SLC26A5: variants seen among roughly 807,000 people sequenced by gnomAD.
SLC26A5 encodes the protein solute carrier family 26 member 5.
A neutral mutation model predicts 81.0 loss-of-function variants in SLC26A5; 51 were observed. The ratio of observed to expected loss-of-function variants is 0.63; its 90% CI spans 0.50 to 0.80. The LOEUF (loss-of-function observed/expected upper bound fraction) is 0.80, where lower values mean the gene tolerates loss of function less well. Among genes scored for constraint, SLC26A5 ranks in the 30% least tolerant of loss-of-function variants. SLC26A5 has a pLI of 0.00. For synonymous variants in SLC26A5, 325 were observed against 332.8 expected (o/e 0.98, Z 0.25); for missense variants, 771 against 905.8 (o/e 0.85, Z 1.91).
chr7:103,421,558 C>T lies in SLC26A5; in HGVS notation c.-44G>A, dbSNP rs761005337. ...CTTAACAGCCGGAGACAAGCATTTC[C>T]TGAGTGTCACTAGGGGAAAAAAGAA... On this transcript the variant is annotated 5_prime_UTR_variant, in exon 3 of 20. Coordinates refer to ENST00000306312, the MANE Select transcript of SLC26A5 (RefSeq NM_198999.3). 2 of 1,602,556 alleles carry T rather than the reference C, an allele frequency of 1.2e-6. No homozygotes were observed. The highest frequency in any genetic ancestry group is 1.7e-6 in the Non-Finnish European group (2 of 1,170,790).
chr7:103,369,427 G>A (rs1046900101), downstream of SLC26A5: 8 of 152,118 alleles, frequency 5.3e-5, no homozygotes, highest in East Asian at 1.9e-4. Context: ...TCATGGCCAC[G>A]TGCTCATATA....
At chr7:103,376,679 A>AT in intron 19 of SLC26A5, 129 bp downstream of exon 19, 2 of 742,234 alleles carry the variant, frequency 2.7e-6, no homozygotes, top group Non-Finnish European at 4.4e-6. Context: ...CTTTAGAGTG[A>AT]TTTTTCAGAA....
intron 2 of SLC26A5, 88 bp downstream of exon 2, chr7:103,442,995 T>A (rs1826991291): frequency 6.6e-6 from 1 of 152,224 alleles, no homozygotes; most frequent in Non-Finnish European, 1.5e-5. Context: ...CCTCTGGAAA[T>A]TTTGAGGAAT....
rs397517962 is a variant in SLC26A5, at chr7:103,390,426, C to T, written c.1311+3G>A. 1.2e-6 allele frequency: 2 copies of T among 1,613,636 alleles called. No individual in the cohort carries two copies. Among genetic ancestry groups the T allele is most frequent in the Non-Finnish European group, 1.7e-6 (2 of 1,179,548 alleles). On this transcript the variant is annotated splice_donor_region_variant and intron_variant, in intron 12 of 19. Coordinates refer to ENST00000306312, the MANE Select transcript of SLC26A5 (RefSeq NM_198999.3). ...ACTTCACCCAAGTCCACATTACACA[C>T]ACCTGGGGCAATGATTCAAAGAGGA... is the stretch of plus-strand genomic sequence containing the variant.
intron 8 of SLC26A5, among the ~76,000 whole-genome samples, chr7:103,404,888 TC>T (rs1460327036): frequency 6.6e-6 from 1 of 152,096 alleles, no homozygotes; most frequent in Admixed American, 6.6e-5. Context: ...TCCTTTTCAT[TC>T]TTTTTTTTTC....
chr7:103,419,888 CTTATCA>C (rs1161412421), intron 4 of SLC26A5, among the ~76,000 whole-genome samples: 2 of 151,822 alleles, frequency 1.3e-5, no homozygotes, highest in Admixed American at 6.6e-5. Context: ...CTCCATTTTG[CTTATCA>C]TTATAATTAA....
intron 14 of SLC26A5, among the ~76,000 whole-genome samples, chr7:103,388,047 T>G (rs1051207196): frequency 6.6e-6 from 1 of 151,954 alleles, no homozygotes; most frequent in Non-Finnish European, 1.5e-5. Context: ...CAAAAAGGTG[T>G]TTTTTTGTTT....
exon 20 of SLC26A5, chr7:103,352,784 A>G: frequency 1.3e-6 from 1 of 776,630 alleles, no homozygotes; most frequent in East Asian, 2.4e-5. Context: ...CAGAAGTGTT[A>G]AGTGACTTGG....
chr7:103,405,265 T>C (rs893388058), intron 8 of SLC26A5, among the ~76,000 whole-genome samples: 7 of 152,214 alleles, frequency 4.6e-5, no homozygotes, highest in Non-Finnish European at 1.0e-4. Context: ...GAAGAGGTGT[T>C]CTGGCTTTTG....
intron 2 of SLC26A5, among the ~76,000 whole-genome samples, chr7:103,428,305 G>C (rs1391242150): frequency 6.6e-6 from 1 of 152,040 alleles, no homozygotes; most frequent in Non-Finnish European, 1.5e-5. Flanking sequence ...TGGTACTTAG[G>C]GCTAAAAAAT....
intron 19 of SLC26A5, among the ~76,000 whole-genome samples, chr7:103,355,161 A>T (rs758485987): frequency 7.2e-5 from 11 of 152,252 alleles, no homozygotes; most frequent in Non-Finnish European, 1.3e-4. Flanking sequence ...AATAAGAAAT[A>T]GTACCATCTT....
chr7:103,362,520 T>A, intron 19 of SLC26A5: 1 of 1,408,638 alleles, frequency 7.1e-7, no homozygotes, highest in Non-Finnish European at 9.3e-7. Flanking sequence ...AGACATGTAG[T>A]TTAGTATCCT....
At chr7:103,430,012 C>G (rs187991412) in intron 2 of SLC26A5, among the ~76,000 whole-genome samples, 10 of 152,054 alleles carry the variant, frequency 6.6e-5, no homozygotes, top group African/African-American at 2.2e-4. Flanking sequence ...CGTTAATATC[C>G]GTAGAGGCAA....
At position 103,397,354 on chromosome 7, in the gene SLC26A5, A is replaced by G. The variant is rs1174451721; in HGVS notation, c.971+578T>C. Among the ~76,000 whole-genome samples the G allele has an allele frequency of 4.6e-5, 7 of 151,922 alleles. No homozygotes were observed. The East Asian group carries it at 1.4e-3, about 30-fold the overall frequency. ...CAGGAAATTGAGACCATCCTGGCTAACATGGTGAAACCCCGTCTCTATTAA... is the reference window on the plus strand; with the variant it reads ...CAGGAAATTGAGACCATCCTGGCTAGCATGGTGAAACCCCGTCTCTATTAA... On this transcript the variant is annotated intron_variant, in intron 9 of 19. Coordinates refer to ENST00000306312, the MANE Select transcript of SLC26A5 (RefSeq NM_198999.3).
chr7:103,372,124 C>A (rs182001418), downstream of SLC26A5, among the ~76,000 whole-genome samples: 1 of 152,114 alleles, frequency 6.6e-6, no homozygotes, highest in Non-Finnish European at 1.5e-5. Context: ...GAAGGCAGTC[C>A]GTATCAGAAT....
At chr7:103,353,856 T>G in intron 19 of SLC26A5, 1 of 1,397,070 alleles carries the variant, frequency 7.2e-7, no homozygotes. Context: ...AAGCTCTAGT[T>G]TCTTTTTTAA....
At chr7:103,366,159 T>C in intron 19 of SLC26A5, 1 of 1,611,326 alleles carries the variant, frequency 6.2e-7, no homozygotes, top group Non-Finnish European at 8.5e-7. Context: ...TTGATGCTAT[T>C]GGAGGTGAGA....
At position 103,361,728 on chromosome 7, in the gene SLC26A5, A is replaced by G. The variant is rs377536052; in HGVS notation, c.2042-8802T>C. ...GAAATCAGAGAACTTCTTAATGATG[A>G]GATATTTGGGTTTAATTTTCCAGGA... On this transcript the variant is annotated intron_variant, in intron 19 of 19. Transcript: ENST00000339444. Among the ~76,000 whole-genome samples, 4 of 152,240 alleles carry G rather than the reference A, an allele frequency of 2.6e-5. No individual in the cohort carries two copies. In the East Asian group the frequency reaches 7.7e-4, roughly 29 times the overall value.
chr7:103,420,678 C>T lies in SLC26A5; in HGVS notation c.292+60G>A. The T allele has an allele frequency of 7.5e-6, 12 of 1,600,162 alleles. No homozygotes were observed. The South Asian group carries it at 1.2e-4, about 16-fold the overall frequency. Reference sequence around the variant, plus strand: ...GAATTTGCAATCATGATGAAATAAACAGAAGGTCAAGCAATTGTTTGAGGA... The same window carrying T: ...GAATTTGCAATCATGATGAAATAAATAGAAGGTCAAGCAATTGTTTGAGGA... On this transcript the variant is annotated intron_variant, in intron 4 of 19. Coordinates refer to ENST00000306312, the MANE Select transcript of SLC26A5 (RefSeq NM_198999.3).
Sources: allele counts gnomAD v4.1 joint callset (sites outside exome capture counted in the v4.1 genomes callset), GRCh38; gene constraint gnomAD v4.1.1; transcripts MANE v1.5; gene names NCBI Gene and HGNC (gene_info 2026-07-23, HGNC 2026-07-21).